Variants in CERKL observed in about 807,000 individuals in gnomAD.
The protein encoded by CERKL is CERK like autophagy regulator.
CERKL carries 61 observed loss-of-function variants against 63.4 expected under a neutral mutation model. The ratio of observed to expected loss-of-function variants is 0.96; its 90% CI spans 0.78 to 1.19. The LOEUF is 1.19. Ranked by LOEUF, CERKL falls within the 50% of genes most tolerant of loss-of-function variation. The pLI is 0.00. For synonymous variants in CERKL, 250 were observed against 230.5 expected (o/e 1.08, Z -0.77); for missense variants, 675 against 655.5 (o/e 1.03, Z -0.33).
At chr2:181,583,093 G>T (rs1391013340) in intron 2 of CERKL, among the ~76,000 whole-genome samples, 4 of 151,552 alleles carry the variant, frequency 2.6e-5, no homozygotes, top group African/African-American at 9.7e-5. Context: ...CTATATTTCT[G>T]GGTAATCAAA....
intron 5 of CERKL, among the ~76,000 whole-genome samples, chr2:181,555,021 A>G (rs1393375877): frequency 6.6e-6 from 1 of 152,172 alleles, no homozygotes; most frequent in Non-Finnish European, 1.5e-5. Flanking sequence ...CAAATATCCA[A>G]AGAATACATA....
chr2:181,592,414 C>T (rs540420024), intron 2 of CERKL, among the ~76,000 whole-genome samples: 18 of 152,074 alleles, frequency 1.2e-4, no homozygotes, highest in African/African-American at 4.1e-4. Context: ...TAGAACCAGC[C>T]CTCAAACACA....
intron 5 of CERKL, among the ~76,000 whole-genome samples, chr2:181,555,087 T>A (rs1333005006): frequency 6.6e-6 from 1 of 152,182 alleles, no homozygotes; most frequent in Non-Finnish European, 1.5e-5. Flanking sequence ...TAAAACTAAA[T>A]GCTATTTCTT....
intron 1 of CERKL, among the ~76,000 whole-genome samples, chr2:181,607,684 A>C (rs760802677): frequency 1.6e-4 from 24 of 152,318 alleles, no homozygotes; most frequent in Non-Finnish European, 2.9e-4. Flanking sequence ...GGGTCCCCAA[A>C]ATGCTTGGGA....
chr2:181,631,209 T>C (rs1337630869), intron 1 of CERKL, among the ~76,000 whole-genome samples: 1 of 152,252 alleles, frequency 6.6e-6, no homozygotes, highest in Non-Finnish European at 1.5e-5. Context: ...TCTATATTTT[T>C]ACTCCCAGGT....
At chr2:181,636,840 A>G (rs183270694) in intron 1 of CERKL, among the ~76,000 whole-genome samples, 276 of 152,022 alleles carry the variant, frequency 1.8e-3, no homozygotes, top group African/African-American at 5.7e-3. Flanking sequence ...TCCTTTACCT[A>G]TTTTTCCATG....
At chr2:181,605,914 T>C (rs1685655609) in intron 1 of CERKL, among the ~76,000 whole-genome samples, 1 of 151,866 alleles carries the variant, frequency 6.6e-6, no homozygotes, top group Non-Finnish European at 1.5e-5. Context: ...CACTAAGAAG[T>C]TCCTTGCTTG....
chr2:181,540,552 T>C (rs1260647099), intron 11 of CERKL, among the ~76,000 whole-genome samples: 2 of 152,148 alleles, frequency 1.3e-5, no homozygotes, highest in Non-Finnish European at 2.9e-5. Flanking sequence ...ATGCCAAGGA[T>C]GGCAGAGTCA....
At chr2:181,579,533 A>G (rs970650236) in intron 2 of CERKL, among the ~76,000 whole-genome samples, 22 of 151,830 alleles carry the variant, frequency 1.4e-4, no homozygotes, top group Non-Finnish European at 1.0e-4. Context: ...ATGAGTTACA[A>G]ATGCTTTTCC....
chr2:181,636,505 C>T (rs1456659558), intron 1 of CERKL, among the ~76,000 whole-genome samples: 1 of 152,028 alleles, frequency 6.6e-6, no homozygotes, highest in Non-Finnish European at 1.5e-5. Flanking sequence ...CACCTAATGC[C>T]CAGCCTTTGT....
chr2:181,584,628 C>T (rs1472175329), intron 2 of CERKL, among the ~76,000 whole-genome samples: 3 of 151,948 alleles, frequency 2.0e-5, no homozygotes, highest in African/African-American at 7.3e-5. Flanking sequence ...CTCTCCCACT[C>T]CCAGCTTAAT....
intron 2 of CERKL, among the ~76,000 whole-genome samples, chr2:181,578,869 A>C (rs1182476111): frequency 1.3e-5 from 2 of 152,028 alleles, no homozygotes; most frequent in Admixed American, 1.3e-4. Context: ...ACTGCAAATA[A>C]CAATGCAATG....
At chr2:181,561,706 T>C (rs1358308975) in intron 4 of CERKL, among the ~76,000 whole-genome samples, 1 of 152,172 alleles carries the variant, frequency 6.6e-6, no homozygotes, top group East Asian at 1.9e-4. Context: ...TGATAAGAGA[T>C]ATTGACCATC....
chr2:181,578,640 T>TTC (rs1290114124), intron 2 of CERKL, among the ~76,000 whole-genome samples: 2 of 151,942 alleles, frequency 1.3e-5, no homozygotes, highest in Admixed American at 6.6e-5. Context: ...TGCACGTATA[T>TTC]TCTACAGCTT....
intron 1 of CERKL, among the ~76,000 whole-genome samples, chr2:181,626,075 C>T (rs888927394): frequency 1.3e-5 from 2 of 151,998 alleles, no homozygotes; most frequent in Admixed American, 6.6e-5. Flanking sequence ...AATAGCTTGC[C>T]CCAGTCTCAA....
At chr2:181,618,418 ATT>A (rs1218883850) in intron 1 of CERKL, among the ~76,000 whole-genome samples, 10 of 151,324 alleles carry the variant, frequency 6.6e-5, no homozygotes, top group Admixed American at 4.6e-4. Context: ...TTTTATTTTT[ATT>A]TTTTTTATTT....
chr2:181,575,860 A>T (rs1689114275), intron 2 of CERKL, among the ~76,000 whole-genome samples: 2 of 152,108 alleles, frequency 1.3e-5, no homozygotes, highest in African/African-American at 4.8e-5. Flanking sequence ...TCAAAATTTT[A>T]TGACTTTTCA....
intron 11 of CERKL, among the ~76,000 whole-genome samples, chr2:181,540,431 C>T (rs560445793): frequency 1.2e-4 from 19 of 152,286 alleles, no homozygotes; most frequent in Admixed American, 9.8e-4. Context: ...CCCCTGGTAC[C>T]TGTGAATGTC....
At chr2:181,656,734 G>T in intron 1 of CERKL, 35 bp downstream of exon 1, 2 of 1,532,946 alleles carry the variant, frequency 1.3e-6, no homozygotes, top group Non-Finnish European at 1.8e-6. Context: ...AGGAAGCGCG[G>T]AGGGAGGCGA....
Sources: gnomAD v4.1 joint callset for allele counts (sites outside exome capture counted in the v4.1 genomes callset) on GRCh38, gnomAD v4.1.1 for gene constraint, MANE v1.5 for transcripts, NCBI Gene and HGNC (gene_info 2026-07-23, HGNC 2026-07-21) for gene names.